HPSE2: variants seen among roughly 807,000 people sequenced by gnomAD.
HPSE2 encodes inactive heparanase-2.
A neutral mutation model predicts 60.5 loss-of-function variants in HPSE2; 38 were observed. That is an observed-to-expected ratio of 0.63 (90% confidence interval 0.48 to 0.82). The LOEUF is 0.82. Ranked by LOEUF, HPSE2 falls within the 40% of genes least tolerant of loss-of-function variation. The pLI, the probability that HPSE2 is intolerant of heterozygous loss-of-function variation, is 0.00. For synonymous variants in HPSE2, 295 were observed against 293.2 expected (o/e 1.01, Z -0.06); for missense variants, 713 against 740.4 (o/e 0.96, Z 0.43).
intron 9 of HPSE2, among the ~76,000 whole-genome samples, chr10:98,609,541 A>T (rs1945690592): frequency 6.6e-6 from 1 of 152,238 alleles, no homozygotes; most frequent in Non-Finnish European, 1.5e-5. Flanking sequence ...CTTACCACCC[A>T]AAGAAAACCA....
the HPSE2 span, among the ~76,000 whole-genome samples, chr10:99,300,266 C>T: frequency 6.6e-6 from 1 of 152,076 alleles, no homozygotes; most frequent in Non-Finnish European, 1.5e-5. Flanking sequence ...ACACCCAGAC[C>T]CATAATGGCC....
the HPSE2 span, among the ~76,000 whole-genome samples, chr10:99,306,016 A>ACACACACACAC: frequency 2.7e-4 from 10 of 37,654 alleles, no homozygotes; most frequent in East Asian, 5.3e-3. Flanking sequence ...CACACACACC[A>ACACACACACAC]GACTGCTGGG....
At chr10:98,683,819 G>T (rs1258240159) in intron 6 of HPSE2, among the ~76,000 whole-genome samples, 1 of 151,652 alleles carries the variant, frequency 6.6e-6, no homozygotes, top group African/African-American at 2.4e-5. Context: ...AGATTGACAG[G>T]GTCTAACCAC....
At chr10:99,255,802 C>G in the HPSE2 span, among the ~76,000 whole-genome samples, 3 of 152,152 alleles carry the variant, frequency 2.0e-5, no homozygotes, top group Admixed American at 2.0e-4. Context: ...TTCACAAAAG[C>G]ATATGTTGGA....
chr10:98,723,426 T>C (rs559973500), intron 4 of HPSE2, among the ~76,000 whole-genome samples: 9 of 152,236 alleles, frequency 5.9e-5, no homozygotes, highest in African/African-American at 2.2e-4. Flanking sequence ...TAAAATTCTC[T>C]TTTTTTGTCG....
At chr10:98,566,404 A>T (rs1944346018) in intron 9 of HPSE2, among the ~76,000 whole-genome samples, 1 of 152,154 alleles carries the variant, frequency 6.6e-6, no homozygotes, top group Non-Finnish European at 1.5e-5. Flanking sequence ...ATCTTTGAAC[A>T]GGGGGATTTT....
chr10:99,219,481 G>A (rs1849239902), intron 2 of HPSE2, among the ~76,000 whole-genome samples: 1 of 152,134 alleles, frequency 6.6e-6, no homozygotes, highest in Non-Finnish European at 1.5e-5. Flanking sequence ...GTCTCCCAGA[G>A]AACCTGTTTC....
In HPSE2 at chr10:98,463,117, T is replaced by C. The variant is rs144478386; in HGVS notation, c.1614-3378A>G. On this transcript the variant is annotated intron_variant, in intron 11 of 11. Transcript: ENST00000370552. ...ATAGTGTTTTTCAAATCTGCTCCTT[T>C]TCCTCCATCCACTGCTATCTTTTTA... Among the ~76,000 whole-genome samples, 434 of 152,322 alleles carry C rather than the reference T, an allele frequency of 2.8e-3. 1 individual carries two copies. Among genetic ancestry groups the C allele is most frequent in the African/African-American group, 0.01 (424 of 41,562 alleles).
chr10:99,220,062 C>T (rs1215829411), intron 2 of HPSE2, among the ~76,000 whole-genome samples: 1 of 152,154 alleles, frequency 6.6e-6, no homozygotes, highest in Non-Finnish European at 1.5e-5. Flanking sequence ...GCATCCAAAA[C>T]TTTACAAAGC....
At chr10:99,021,063 A>T (rs1237573402) in intron 3 of HPSE2, among the ~76,000 whole-genome samples, 1 of 152,196 alleles carries the variant, frequency 6.6e-6, no homozygotes, top group Non-Finnish European at 1.5e-5. Flanking sequence ...AGCAGTAAAG[A>T]ACTCGAAATT....
intron 10 of HPSE2, among the ~76,000 whole-genome samples, chr10:98,487,007 T>C (rs937985229): frequency 2.0e-5 from 3 of 152,206 alleles, no homozygotes; most frequent in East Asian, 1.9e-4. Context: ...CAGGAAGTCA[T>C]GTTTTGCCAA....
chr10:99,313,120 C>T, the HPSE2 span, among the ~76,000 whole-genome samples: 8 of 152,198 alleles, frequency 5.3e-5, no homozygotes, highest in Admixed American at 1.3e-4. Context: ...ACTGTGCAGG[C>T]TTTAAATCTG....
intron 3 of HPSE2, among the ~76,000 whole-genome samples, chr10:99,141,746 T>C (rs1402893053): frequency 6.6e-6 from 1 of 152,154 alleles, no homozygotes; most frequent in Non-Finnish European, 1.5e-5. Flanking sequence ...GCCTCTCCCA[T>C]CAACAGCTGA....
intron 3 of HPSE2, among the ~76,000 whole-genome samples, chr10:98,903,259 G>T (rs1473217218): frequency 1.3e-5 from 2 of 152,008 alleles, no homozygotes; most frequent in African/African-American, 4.8e-5. Context: ...TGGCTGCCTA[G>T]GCCTAGGGGA....
chr10:99,055,076 A>G (rs1024668603), intron 3 of HPSE2, among the ~76,000 whole-genome samples: 2 of 152,200 alleles, frequency 1.3e-5, no homozygotes, highest in African/African-American at 4.8e-5. Context: ...TACATAAGAA[A>G]CATATACCAG....
At chr10:98,719,538 A>G (rs1948869641) in intron 5 of HPSE2, among the ~76,000 whole-genome samples, 1 of 151,850 alleles carries the variant, frequency 6.6e-6, no homozygotes, top group Non-Finnish European at 1.5e-5. Flanking sequence ...CAAAATTTAC[A>G]TTAAAAATTT....
At chr10:98,760,044 T>C (rs901887472) in intron 3 of HPSE2, among the ~76,000 whole-genome samples, 4 of 152,066 alleles carry the variant, frequency 2.6e-5, no homozygotes, top group Non-Finnish European at 5.9e-5. Context: ...TCTGATGCTA[T>C]TGTAATGGGG....
At chr10:99,084,800 A>C (rs1843263520) in intron 3 of HPSE2, among the ~76,000 whole-genome samples, 1 of 152,232 alleles carries the variant, frequency 6.6e-6, no homozygotes, top group African/African-American at 2.4e-5. Flanking sequence ...AACAGAGTAA[A>C]ATCTGTAAAA....
At chr10:98,691,755 C>A (rs959359128) in intron 6 of HPSE2, among the ~76,000 whole-genome samples, 2 of 152,270 alleles carry the variant, frequency 1.3e-5, no homozygotes, top group Non-Finnish European at 1.5e-5. Context: ...ACATTTTCCA[C>A]TTTCTGTGTA....
Sources: allele counts gnomAD v4.1 joint callset (sites outside exome capture counted in the v4.1 genomes callset), GRCh38; gene constraint gnomAD v4.1.1; transcripts MANE v1.5; gene names NCBI Gene and HGNC (gene_info 2026-07-23, HGNC 2026-07-21).